Variants in RUSC1 observed in about 807,000 individuals in gnomAD.
RUSC1 encodes AP-4 complex accessory subunit RUSC1.
In RUSC1, 40 loss-of-function variants were observed where a neutral mutation model predicts 72.1. The observed-to-expected ratio is 0.55, with a 90% CI of 0.43 to 0.72. RUSC1 has a LOEUF of 0.72. Among genes scored for constraint, RUSC1 ranks in the 30% least tolerant of loss-of-function variants. RUSC1 has a pLI of 0.00. For synonymous variants in RUSC1, 512 were observed against 494.2 expected (o/e 1.04, Z -0.48); for missense variants, 1,092 against 1,172.3 (o/e 0.93, Z 1.00).
rs1230936306 is a variant in RUSC1 at position 155,322,846 on chromosome 1, C to T, written c.1073C>T (p.Pro358Leu). 6.2e-7 allele frequency: 1 copy of T among 1,613,366 alleles called. No individual in the cohort carries two copies. The highest frequency in any genetic ancestry group is 8.5e-7 in the Non-Finnish European group (1 of 1,179,832). ...ACCGAGCTCCCCCCCTCGGGGTCGCCGGGCGGCTCCTCGGCACCTCCTCGG... is the reference window on the plus strand; with the variant it reads ...ACCGAGCTCCCCCCCTCGGGGTCGCTGGGCGGCTCCTCGGCACCTCCTCGG... The part of the protein sequence containing the change: ...PDTELPPSGS[P>L]GGSSAPPREV... Residue 358 changes from proline to leucine, a missense_variant, in exon 2 of 10, where the codon CCG (proline) becomes CTG (leucine). Coordinates refer to ENST00000368352, the MANE Select transcript of RUSC1 (RefSeq NM_001105203.2).
Position 155,325,086 on chromosome 1 carries a change from T to G in RUSC1, c.1457-16T>G. 2 of 1,614,212 alleles carry G rather than the reference T, an allele frequency of 1.2e-6. No homozygotes were observed. The highest frequency in any genetic ancestry group is 1.7e-6 in the Non-Finnish European group (2 of 1,180,044). ...GGCGCGGCCTCCTAGCGTCTTCCCTTTCCCACTCCTCCCAGGTCTTCTGAT... is the reference window on the plus strand; with the variant it reads ...GGCGCGGCCTCCTAGCGTCTTCCCTGTCCCACTCCTCCCAGGTCTTCTGAT... On this transcript the variant is annotated splice_polypyrimidine_tract_variant and intron_variant, in intron 3 of 9. Transcript: ENST00000368352. The surrounding 1 kb of genome is among the most constrained non-coding windows in gnomAD (Gnocchi z 6.5).
In RUSC1 at chr1:155,322,296, G is replaced by T; in HGVS notation, c.523G>T (p.Asp175Tyr). 1.9e-6 allele frequency: 3 copies of T among 1,610,368 alleles called. No individual in the cohort carries two copies. The highest frequency in any genetic ancestry group is 2.5e-6 in the Non-Finnish European group (3 of 1,177,410). ...CTGCTCCGGAGCTTCTTCTTCACCC[G>T]ATCCTGGCCTGGACTCGAACTGCAA... ...DSCSGASSSP[D>Y]PGLDSNCNAL... The change falls in exon 2 of 10, where the codon GAT becomes TAT. Residue 175 changes from aspartate to tyrosine, a missense_variant. By Grantham distance (160) the Asp-to-Tyr change is radical. Coordinates refer to ENST00000368352, the MANE Select transcript of RUSC1 (RefSeq NM_001105203.2).
Position 155,326,002 on chromosome 1 carries a change from A to G in RUSC1, c.1861+92A>G. The G allele has an allele frequency of 7.7e-7, 1 of 1,296,856 alleles. No homozygotes were observed. The highest frequency in any genetic ancestry group is 1.2e-5 in the South Asian group (1 of 84,550). 80.3% of individuals were successfully genotyped at this position (1,296,856 alleles called of 1,614,324 possible). A position where few individuals can be genotyped will look rare whatever the true frequency, so the allele number is the denominator to read the frequency against. On this transcript the variant is annotated intron_variant, in intron 7 of 9. Transcript: ENST00000368352. This position sits in a 1 kb window ranked among gnomAD's most constrained non-coding sequence, Gnocchi z 4.7. ...CCTGCTGGTTCCCACTGCTGCCAGAATGCCATTAATCCAGATCTCCGATCT... is the reference window on the plus strand; with the variant it reads ...CCTGCTGGTTCCCACTGCTGCCAGAGTGCCATTAATCCAGATCTCCGATCT...
chr1:155,325,077 G>T lies in RUSC1; in HGVS notation c.1457-25G>T, dbSNP rs755605590. 6 of 1,614,134 alleles carry T rather than the reference G, an allele frequency of 3.7e-6. No individual in the cohort carries two copies. In the East Asian group the frequency reaches 1.1e-4, roughly 30 times the overall value. ...CTGGGTAGGGGCGCGGCCTCCTAGC[G>T]TCTTCCCTTTCCCACTCCTCCCAGG... On this transcript the variant is annotated intron_variant, in intron 3 of 9. Transcript: ENST00000368352. This position sits in a 1 kb window ranked among gnomAD's most constrained non-coding sequence, Gnocchi z 6.5.
chr1:155,325,535 C>A lies in RUSC1; in HGVS notation c.1709-32C>A, dbSNP rs114296858. On this transcript the variant is annotated intron_variant, in intron 5 of 9. Coordinates refer to ENST00000368352, the MANE Select transcript of RUSC1 (RefSeq NM_001105203.2). The surrounding 1 kb of genome is among the most constrained non-coding windows in gnomAD (Gnocchi z 6.5). ...GACCCGGCAGTGCGCAGGGCAGGGC[C>A]GGGCTTGGCTGACTGCACCCCACGT... is the stretch of plus-strand genomic sequence containing the variant. 1.9e-6 allele frequency: 3 copies of A among 1,606,088 alleles called. No individual in the cohort carries two copies. The South Asian group carries it at 3.3e-5, about 18-fold the overall frequency.
intron 1 of RUSC1, chr1:155,321,273 C>G: frequency 1.5e-6 from 2 of 1,367,976 alleles, no homozygotes; most frequent in Non-Finnish European, 2.0e-6. Flanking sequence ...ACAAACTCTG[C>G]GTATTGCCCC....
chr1:155,321,125 A>C, intron 1 of RUSC1, 134 bp downstream of exon 1: 1 of 1,381,432 alleles, frequency 7.2e-7, no homozygotes. Flanking sequence ...TGCGGAGAGA[A>C]TGGACATACC....
At position 155,322,748 on chromosome 1, in the gene RUSC1, G is replaced by A. The variant is rs375195580; in HGVS notation, c.975G>A (p.Arg325=). The A allele has an allele frequency of 7.4e-6, 12 of 1,614,088 alleles. No homozygotes were observed. In the African/African-American group the frequency reaches 1.2e-4, roughly 16 times the overall value. The change falls in exon 2 of 10, where the codon CGG becomes CGA. Residue 325 remains arginine, a synonymous_variant. Transcript: ENST00000368352. The stretch of plus-strand genomic sequence containing the variant: ...ACGAGCTGGCCCAGAAGCGCAAGCG[G>A]GGCCCAGGGCTGCCCCTTGTCCCGC... The part of the protein sequence containing the change: ...SFHELAQKRK[R]GPGLPLVPQA...
chr1:155,328,730 C>T (rs1651687760), intron 9 of RUSC1, among the ~76,000 whole-genome samples: 1 of 152,150 alleles, frequency 6.6e-6, no homozygotes, highest in Middle Eastern at 3.2e-3. Flanking sequence ...TTCTGAGTAG[C>T]TGGGATTACA....
chr1:155,326,760 C>T lies in RUSC1; in HGVS notation c.2042C>T (p.Pro681Leu), dbSNP rs757517525. The T allele has an allele frequency of 3.0e-5, 49 of 1,613,064 alleles. No individual in the cohort carries two copies. The highest frequency in any genetic ancestry group is 3.8e-5 in the Non-Finnish European group (45 of 1,180,046). Residue 681 changes from proline (P) to leucine (L), a missense_variant, in exon 8 of 10, where the codon CCT becomes CTT. Transcript: ENST00000368352. The surrounding 1 kb of genome is among the most constrained non-coding windows in gnomAD (Gnocchi z 4.7). Reference sequence around the variant, plus strand: ...CTGGGCCCACCTCAGGCCCCTGCCCCTCCAGGCCCACCTCCAGCTCTGCAG... The same window carrying T: ...CTGGGCCCACCTCAGGCCCCTGCCCTTCCAGGCCCACCTCCAGCTCTGCAG... ...LPLGPPQAPAPPGPPPALQQT... is the reference protein window; with the variant it reads ...LPLGPPQAPALPGPPPALQQT...
rs1458029422 is a variant in RUSC1 at position 155,325,300 on chromosome 1, A to T, written c.1534-16A>T. ...TGGAGGGATCTCTGGAGCCATCGGCATCGCGCCACCTCCAGGCCCAGTTGG... is the reference window on the plus strand; with the variant it reads ...TGGAGGGATCTCTGGAGCCATCGGCTTCGCGCCACCTCCAGGCCCAGTTGG... On this transcript the variant is annotated splice_polypyrimidine_tract_variant and intron_variant, in intron 4 of 9. Transcript: ENST00000368352. This position sits in a 1 kb window ranked among gnomAD's most constrained non-coding sequence, Gnocchi z 6.5. 2 of 1,604,302 alleles carry T rather than the reference A, an allele frequency of 1.2e-6. No homozygotes were observed. Among genetic ancestry groups the T allele is most frequent in the Admixed American group, 3.3e-5 (2 of 59,868 alleles).
intron 9 of RUSC1, among the ~76,000 whole-genome samples, chr1:155,329,940 G>A (rs1651838107): frequency 7.4e-6 from 1 of 134,852 alleles, no homozygotes; most frequent in African/African-American, 2.8e-5. Context: ...AACAGAGACT[G>A]ACTCTGTCTC....
rs1458821047 is a variant in RUSC1, at chr1:155,325,475, G to T, written c.1693G>T (p.Ala565Ser). 1 of 1,594,310 alleles carries T rather than the reference G, an allele frequency of 6.3e-7. No individual in the cohort carries two copies. Among genetic ancestry groups the T allele is most frequent in the Non-Finnish European group, 8.5e-7 (1 of 1,173,554 alleles). The change falls in exon 5 of 10, where the codon GCG becomes TCG. Residue 565 changes from alanine (A) to serine (S), a missense_variant. Coordinates refer to ENST00000368352, the MANE Select transcript of RUSC1 (RefSeq NM_001105203.2). The surrounding 1 kb of genome is among the most constrained non-coding windows in gnomAD (Gnocchi z 6.5). ...GAGCAGCCCCTGGAGCGTGGTGGAG[G>T]CGTCGGTGAAGCCAGGTGAGCCAGG... ...RRSSPWSVVE[A>S]SVKPGSSTRS...
Position 155,326,669 on chromosome 1 carries a change from C to T in RUSC1, c.1951C>T (p.Leu651=), listed in dbSNP as rs1444789394. The T allele has an allele frequency of 6.2e-7, 1 of 1,613,926 alleles. No individual in the cohort carries two copies. The highest frequency in any genetic ancestry group is 1.7e-5 in the Admixed American group (1 of 60,032). ...CCTGTCCACAGAGCTGCTGCTCCTG[C>T]TGCAGCCATTGTCGGTGCTCACTTT... ...PSLSTELLLL[L]QPLSVLTFHL... is the part of the protein sequence containing the mutation. The change falls in exon 8 of 10, where the codon CTG becomes TTG. Residue 651 remains leucine, a synonymous_variant. Transcript: ENST00000368352. This position sits in a 1 kb window ranked among gnomAD's most constrained non-coding sequence, Gnocchi z 4.7.
In RUSC1 at chr1:155,321,711, A is replaced by G; in HGVS notation, c.-63A>G. 1 of 1,592,980 alleles carries G rather than the reference A, an allele frequency of 6.3e-7. No individual in the cohort carries two copies. The highest frequency in any genetic ancestry group is 8.6e-7 in the Non-Finnish European group (1 of 1,165,672). ...AGGTCTGCACCTGTGGTTGCCAGGT[A>G]GGTGGATGTGAGAGACCCTACCCTT... is the stretch of plus-strand genomic sequence containing the variant. On this transcript the variant is annotated 5_prime_UTR_variant, in exon 2 of 10. Coordinates refer to ENST00000368352, the MANE Select transcript of RUSC1 (RefSeq NM_001105203.2).
Position 155,322,939 on chromosome 1 carries a change from AC to A in RUSC1, c.1172del (p.Pro391GlnfsTer30). 2 of 1,588,900 alleles carry A rather than the reference AC, an allele frequency of 1.3e-6. No individual in the cohort carries two copies. Among genetic ancestry groups the A allele is most frequent in the Non-Finnish European group, 8.6e-7 (1 of 1,167,800 alleles). ...RAPAPPVPPR[D>X]PPVGWALVPP... ...CCAGCCCCGCCAGTCCCGCCTCGAG[AC>A]CCCCCAGTTGGCTGGGCTTTGGTCC... is the stretch of plus-strand genomic sequence containing the variant. On this transcript the variant is annotated frameshift_variant, in exon 2 of 10. Coordinates refer to ENST00000368352, the MANE Select transcript of RUSC1 (RefSeq NM_001105203.2). LOFTEE classifies it high-confidence loss of function.
chr1:155,326,812 T>C lies in RUSC1; in HGVS notation c.2094T>C (p.Phe698=), dbSNP rs1570908860. The C allele has an allele frequency of 1.2e-6, 2 of 1,613,426 alleles. No homozygotes were observed. The highest frequency in any genetic ancestry group is 1.7e-6 in the Non-Finnish European group (2 of 1,180,034). ...AGACTATGCAAGCCATGCTGCACTT[T>C]GGGGGCCGGCTGGCCCAGAGCCTTC... The part of the protein sequence containing the change: ...LQQTMQAMLH[F]GGRLAQSLRG... The change falls in exon 8 of 10, where the codon TTT becomes TTC. Residue 698 remains phenylalanine, a synonymous_variant. Transcript: ENST00000368352. The surrounding 1 kb of genome is among the most constrained non-coding windows in gnomAD (Gnocchi z 4.7).
chr1:155,323,503 C>T (rs1650852209), intron 2 of RUSC1: 1 of 167,452 alleles, frequency 6.0e-6, no homozygotes, highest in Non-Finnish European at 1.3e-5. Context: ...GTCTCTGCTC[C>T]TGGCTCCTCT....
intron 9 of RUSC1, among the ~76,000 whole-genome samples, chr1:155,328,769 T>G (rs968549993): frequency 6.6e-5 from 10 of 152,224 alleles, no homozygotes; most frequent in African/African-American, 2.4e-4. Context: ...CAGCTAATTT[T>G]TGTATTTTTA....
Sources: allele counts gnomAD v4.1 joint callset (sites outside exome capture counted in the v4.1 genomes callset), GRCh38; gene constraint gnomAD v4.1.1; non-coding constraint Gnocchi (gnomAD v3.1); transcripts MANE v1.5; gene names NCBI Gene and HGNC (gene_info 2026-07-23, HGNC 2026-07-21).